CALN1: variants seen among roughly 807,000 people sequenced by gnomAD.
CALN1 encodes calcium-binding protein 8.
Under a neutral mutation model 30.6 loss-of-function variants are expected in CALN1, and 17 were observed. The ratio of observed to expected loss-of-function variants is 0.56; its 90% CI spans 0.38 to 0.83. The LOEUF (loss-of-function observed/expected upper bound fraction) is 0.83, where lower values mean the gene tolerates loss of function less well. Ranked by LOEUF, CALN1 falls within the 40% of genes least tolerant of loss-of-function variation. The pLI is 0.00. For synonymous variants in CALN1, 156 were observed against 131.4 expected, an observed-to-expected ratio of 1.19 and a Z score of -1.28; for missense variants, 291 against 354.9, an observed-to-expected ratio of 0.82 and a Z score of 1.45.
intron 5 of CALN1, among the ~76,000 whole-genome samples, chr7:71,868,479 C>A (rs1791725530): frequency 6.6e-6 from 1 of 151,158 alleles, no homozygotes; most frequent in African/African-American, 2.4e-5. Flanking sequence ...TCAAGCAATT[C>A]TCCTACCTCT....
rs749597576 is a variant in CALN1 at position 71,787,596 on chromosome 7, G to C, written c.*179C>G. ...ACAGCCCTTTAGTGTCCCTGCCAAG[G>C]AGATGAAGCTGAAGTGCAACCCCAG... On this transcript the variant is annotated 3_prime_UTR_variant, in exon 7 of 7. Transcript: ENST00000395275. 1.4e-4 allele frequency: 101 copies of C among 710,876 alleles called. No homozygotes were observed. Among genetic ancestry groups the C allele is most frequent in the Non-Finnish European group, 2.1e-4 (96 of 455,038 alleles). 44.0% of individuals were successfully genotyped at this position (710,876 alleles called of 1,614,324 possible). A position where few individuals can be genotyped will look rare whatever the true frequency, so the allele number is the denominator to read the frequency against.
Position 72,009,982 on chromosome 7 carries a change from A to G in CALN1, c.501+13675T>C, listed in dbSNP as rs142504962. Among the ~76,000 whole-genome samples the G allele has an allele frequency of 1.9e-3, 287 of 152,348 alleles. 3 individuals are homozygous for G. Among genetic ancestry groups the G allele is most frequent in the African/African-American group, 6.7e-3 (278 of 41,584 alleles). On this transcript the variant is annotated intron_variant, in intron 5 of 6. Transcript: ENST00000395275. ...AAATCAACTATCACCCTTACTGTTT[A>G]TTAGTAATAAATAGGTGTCAGTCAA...
At chr7:71,810,198 A>T (rs1787866476) in intron 6 of CALN1, 138 bp downstream of exon 6, 1 of 828,286 alleles carries the variant, frequency 1.2e-6, no homozygotes, top group Non-Finnish European at 1.8e-6. Flanking sequence ...AAGATCTTTA[A>T]CCTCAGTCCT....
chr7:72,391,721 TTTTG>T (rs1805594940), intron 2 of CALN1, among the ~76,000 whole-genome samples: 2 of 152,124 alleles, frequency 1.3e-5, no homozygotes, highest in South Asian at 2.1e-4. Context: ...TGTTTTTTGT[TTTTG>T]TTTTTGTTTT....
intron 3 of CALN1, among the ~76,000 whole-genome samples, chr7:72,236,842 G>A (rs1794503393): frequency 1.3e-5 from 2 of 152,152 alleles, no homozygotes; most frequent in South Asian, 4.1e-4. Context: ...CATAAGCAAT[G>A]TTCATGGTCT....
intron 1 of CALN1, among the ~76,000 whole-genome samples, chr7:72,433,317 T>C (rs1163271238): frequency 2.0e-5 from 3 of 151,986 alleles, no homozygotes; most frequent in Non-Finnish European, 4.4e-5. Flanking sequence ...CCGAGCAGTC[T>C]CCTCCCAACT....
chr7:72,030,884 C>G (rs1801396328), intron 4 of CALN1, among the ~76,000 whole-genome samples: 1 of 152,034 alleles, frequency 6.6e-6, no homozygotes, highest in Admixed American at 6.5e-5. Context: ...GTACCTGGAA[C>G]TACAGGAGCA....
chr7:72,367,030 G>A (rs778527087), intron 2 of CALN1, among the ~76,000 whole-genome samples: 1 of 151,822 alleles, frequency 6.6e-6, no homozygotes, highest in East Asian at 1.9e-4. Context: ...CAACCACATG[G>A]ATGAACCTCA....
At chr7:72,249,956 A>C (rs533854555) in intron 3 of CALN1, among the ~76,000 whole-genome samples, 2 of 150,250 alleles carry the variant, frequency 1.3e-5, no homozygotes, top group African/African-American at 2.5e-5. Flanking sequence ...CAAAAAAAAA[A>C]AAAAGAGAGA....
At chr7:71,889,985 A>T (rs1444642119) in intron 5 of CALN1, among the ~76,000 whole-genome samples, 1 of 151,740 alleles carries the variant, frequency 6.6e-6, no homozygotes, top group East Asian at 1.9e-4. Flanking sequence ...AAAAAAAAGA[A>T]TTGGTCACTT....
At chr7:72,009,502 T>C (rs1301128779) in intron 5 of CALN1, among the ~76,000 whole-genome samples, 2 of 152,226 alleles carry the variant, frequency 1.3e-5, no homozygotes, top group African/African-American at 2.4e-5. Flanking sequence ...ATCCTATTAT[T>C]ATAGATTCAA....
intron 3 of CALN1, among the ~76,000 whole-genome samples, chr7:72,257,428 T>C (rs1445223108): frequency 1.3e-5 from 2 of 150,670 alleles, no homozygotes; most frequent in African/African-American, 4.9e-5. Context: ...CTTACTCTTG[T>C]AAGAATGGCC....
chr7:71,843,737 T>C lies in CALN1; in HGVS notation c.502-33245A>G, dbSNP rs560114754. 7.9e-5 allele frequency among the ~76,000 whole-genome samples: 12 copies of C among 152,320 alleles called. No individual in the cohort carries two copies. The South Asian group carries it at 2.3e-3, about 29-fold the overall frequency. ...ACTAGAATGGATCTAATTAATACAT[T>C]ATACTTACACCATACTTATTATGCT... On this transcript the variant is annotated intron_variant, in intron 5 of 6. Coordinates refer to ENST00000395275, the MANE Select transcript of CALN1 (RefSeq NM_031468.4).
At chr7:72,020,588 C>T (rs937429505) in intron 5 of CALN1, among the ~76,000 whole-genome samples, 2 of 152,146 alleles carry the variant, frequency 1.3e-5, no homozygotes, top group Admixed American at 1.3e-4. Flanking sequence ...TGAGCACTAG[C>T]AGGAGAGGAA....
chr7:71,908,598 CA>C (rs201383970), intron 5 of CALN1, among the ~76,000 whole-genome samples: 4 of 151,624 alleles, frequency 2.6e-5, no homozygotes, highest in Non-Finnish European at 4.4e-5. Flanking sequence ...GGAAATGCAC[CA>C]AAAAAAATAA....
intron 5 of CALN1, among the ~76,000 whole-genome samples, chr7:71,988,471 G>C (rs1798790619): frequency 6.6e-6 from 1 of 152,188 alleles, no homozygotes; most frequent in African/African-American, 2.4e-5. Flanking sequence ...ATGTGGAATA[G>C]ACTCAGAGAG....
At chr7:71,862,977 G>A (rs764974428) in intron 5 of CALN1, among the ~76,000 whole-genome samples, 20 of 152,328 alleles carry the variant, frequency 1.3e-4, no homozygotes, top group South Asian at 8.3e-4. Context: ...AAACAACAAC[G>A]GCTGGGCGTG....
chr7:71,995,575 G>A (rs1398254508), intron 5 of CALN1, among the ~76,000 whole-genome samples: 3 of 152,044 alleles, frequency 2.0e-5, no homozygotes, highest in East Asian at 1.9e-4. Flanking sequence ...TTGAGAGGCC[G>A]AGGTGGGTGA....
At chr7:71,831,977 G>C (rs953719062) in intron 5 of CALN1, among the ~76,000 whole-genome samples, 1 of 141,706 alleles carries the variant, frequency 7.1e-6, no homozygotes, top group African/African-American at 2.6e-5. Flanking sequence ...ACAAATATAA[G>C]ACATACTGTT....
Sources: allele counts gnomAD v4.1 joint callset (sites outside exome capture counted in the v4.1 genomes callset), GRCh38; gene constraint gnomAD v4.1.1; transcripts MANE v1.5; gene names NCBI Gene and HGNC (gene_info 2026-07-23, HGNC 2026-07-21).